Variants in KLHL13 observed in about 807,000 individuals in gnomAD.
KLHL13 encodes kelch-like protein 13.
A neutral mutation model predicts 37.1 loss-of-function variants in KLHL13; 10 were observed. That is an observed-to-expected ratio of 0.27 (90% confidence interval 0.17 to 0.46). The LOEUF (loss-of-function observed/expected upper bound fraction) is 0.46, where lower values mean the gene tolerates loss of function less well. Among genes scored for constraint, KLHL13 ranks in the 20% least tolerant of loss-of-function variants. The pLI, the probability that KLHL13 is intolerant of heterozygous loss-of-function variation, is 1.00. For synonymous variants in KLHL13, 163 were observed against 181.2 expected (o/e 0.90, Z 0.81); for missense variants, 360 against 509.3 (o/e 0.71, Z 2.82).
At chrX:118,062,459 T>G (rs1385765590) in intron 1 of KLHL13, among the ~76,000 whole-genome samples, 1 of 110,471 alleles carries the variant, frequency 9.1e-6, no homozygotes, top group African/African-American at 3.3e-5. Context: ...CCTTGTTACT[T>G]CTCATAAACC....
chrX:118,055,467 T>C (rs1348111114), intron 1 of KLHL13, among the ~76,000 whole-genome samples: 1 of 112,316 alleles, frequency 8.9e-6, no homozygotes, highest in Non-Finnish European at 1.9e-5. Context: ...ATATAGAATA[T>C]AAAGACACTT....
intron 1 of KLHL13, among the ~76,000 whole-genome samples, chrX:118,060,996 T>C (rs949013829): frequency 3.6e-5 from 4 of 110,779 alleles, no homozygotes; most frequent in South Asian, 3.9e-4. Flanking sequence ...GAGTCTACCA[T>C]GAAATACCCT....
At chrX:118,076,421 T>A (rs1001030234) in intron 1 of KLHL13, among the ~76,000 whole-genome samples, 4 of 111,609 alleles carry the variant, frequency 3.6e-5, no homozygotes, top group African/African-American at 1.3e-4. Flanking sequence ...GCATTATCAT[T>A]TAGTTAGACC....
intron 2 of KLHL13, among the ~76,000 whole-genome samples, chrX:117,927,858 G>A (rs751844519): frequency 8.9e-5 from 10 of 111,877 alleles, no homozygotes; most frequent in Non-Finnish European, 1.7e-4. Flanking sequence ...GGGGTAACAG[G>A]AGGGAGTATG....
At chrX:117,938,662 T>C (rs1212377933) in intron 2 of KLHL13, among the ~76,000 whole-genome samples, 2 of 111,800 alleles carry the variant, frequency 1.8e-5, no homozygotes, top group Non-Finnish European at 3.8e-5. Flanking sequence ...ATAATTGGCT[T>C]TAACTCATGA....
chrX:118,071,858 T>C (rs1384829713), intron 1 of KLHL13, among the ~76,000 whole-genome samples: 1 of 104,480 alleles, frequency 9.6e-6, no homozygotes, highest in Admixed American at 1.0e-4. Flanking sequence ...GAACATTCCA[T>C]GCTCATGGGT....
At chrX:118,051,198 A>T (rs1374713444) in intron 1 of KLHL13, among the ~76,000 whole-genome samples, 1 of 110,769 alleles carries the variant, frequency 9.0e-6, no homozygotes, top group Non-Finnish European at 1.9e-5. Context: ...TGTAAAAAAA[A>T]AAAAAACTTA....
At chrX:118,066,975 T>C (rs1476489938) in intron 1 of KLHL13, among the ~76,000 whole-genome samples, 1 of 111,667 alleles carries the variant, frequency 9.0e-6, no homozygotes, top group Non-Finnish European at 1.9e-5. Flanking sequence ...TTTCCAATAG[T>C]TTCTCATTGT....
chrX:117,901,274 GAATT>G (rs1182681000), intron 6 of KLHL13, among the ~76,000 whole-genome samples: 3 of 111,146 alleles, frequency 2.7e-5, no homozygotes, highest in African/African-American at 9.8e-5. Context: ...TAAATAAAAT[GAATT>G]AATTGTTGCT....
chrX:118,104,048 T>TAAAAAA (rs60645250), intron 1 of KLHL13, among the ~76,000 whole-genome samples: 3 of 42,562 alleles, frequency 7.0e-5, no homozygotes, highest in African/African-American at 2.7e-4. Context: ...TCATTTCCAC[T>TAAAAAA]AAAAAAAAAA....
intron 1 of KLHL13, chrX:117,983,489 G>T: frequency 8.8e-7 from 1 of 1,135,224 alleles, no homozygotes; most frequent in Non-Finnish European, 1.2e-6. Context: ...CCCTGAAGTT[G>T]ATTTTTTGAA....
At chrX:118,089,655 AAAGAAAG>A (rs2055103986) in intron 1 of KLHL13, among the ~76,000 whole-genome samples, 1 of 109,028 alleles carries the variant, frequency 9.2e-6, no homozygotes, top group Non-Finnish European at 1.9e-5. Flanking sequence ...AGAAAGAAAG[AAAGAAAG>A]AAAGAAAAAA....
intron 4 of KLHL13, among the ~76,000 whole-genome samples, chrX:117,918,502 G>C (rs1931499067): frequency 9.0e-6 from 1 of 111,293 alleles, no homozygotes; most frequent in Non-Finnish European, 1.9e-5. Flanking sequence ...TAATGAGTTA[G>C]AAAATATACC....
intron 1 of KLHL13, among the ~76,000 whole-genome samples, chrX:117,987,948 C>T (rs1488035059): frequency 2.7e-5 from 3 of 111,552 alleles, no homozygotes; most frequent in African/African-American, 9.8e-5. Flanking sequence ...CAAAAACAGG[C>T]AGTACTTGGG....
upstream of KLHL13, chrX:118,116,874 G>A (rs1237944054): frequency 2.4e-5 from 2 of 84,653 alleles, no homozygotes; most frequent in Non-Finnish European, 2.3e-5. Flanking sequence ...GTGGGGGGGG[G>A]AGCGCGCGGG....
chrX:118,083,876 CTG>C (rs1169362670), intron 1 of KLHL13, among the ~76,000 whole-genome samples: 1 of 111,219 alleles, frequency 9.0e-6, no homozygotes, highest in Non-Finnish European at 1.9e-5. Flanking sequence ...CAAAATAAAA[CTG>C]TTTTAAAAGG....
At chrX:117,973,868 C>G, upstream of KLHL13, 1 of 356,437 alleles carries the variant, frequency 2.8e-6, no homozygotes, top group Non-Finnish European at 3.6e-6. Context: ...CACAAATTGC[C>G]TAGAGGAAAG....
intron 1 of KLHL13, among the ~76,000 whole-genome samples, chrX:118,018,064 C>G (rs1454441708): frequency 5.4e-5 from 6 of 111,423 alleles, no homozygotes. Flanking sequence ...TCAAAGCAAA[C>G]CACATGTGGC....
At chrX:117,949,701 G>A (rs1178318999) in intron 1 of KLHL13, among the ~76,000 whole-genome samples, 1 of 112,120 alleles carries the variant, frequency 8.9e-6, no homozygotes, top group Non-Finnish European at 1.9e-5. Context: ...ATTATAAAAT[G>A]TGTACTTCAA....
Sources: allele counts gnomAD v4.1 joint callset (sites outside exome capture counted in the v4.1 genomes callset), GRCh38; gene constraint gnomAD v4.1.1; transcripts MANE v1.5; gene names NCBI Gene and HGNC (gene_info 2026-07-23, HGNC 2026-07-21).